Variants in STON2 observed in about 807,000 individuals in gnomAD.
STON2 encodes the protein stonin 2, also known as stonin-2.
A neutral mutation model predicts 65.7 loss-of-function variants in STON2; 29 were observed. That is an observed-to-expected ratio of 0.44 (90% CI 0.33 to 0.60). STON2 has a LOEUF of 0.60. Among genes scored for constraint, STON2 ranks in the 20% least tolerant of loss-of-function variants. The pLI is 0.03. For synonymous variants in STON2, 404 were observed against 414.2 expected (o/e 0.98, Z 0.30); for missense variants, 1,054 against 1,118.1 (o/e 0.94, Z 0.82).
chr14:81,429,930 G>A (rs1418294717), intron 1 of STON2, among the ~76,000 whole-genome samples: 4 of 148,722 alleles, frequency 2.7e-5, no homozygotes, highest in Admixed American at 2.7e-4. Context: ...GCAAGACTCT[G>A]TCTCAAAAAA....
intron 7 of STON2, chr14:81,269,308 C>G: frequency 1.0e-6 from 1 of 985,370 alleles, no homozygotes; most frequent in Non-Finnish European, 1.2e-6. Context: ...ACCCGGCCAC[C>G]TCCAGTACTT....
chr14:81,272,835 C>T (rs1018742527), intron 6 of STON2, among the ~76,000 whole-genome samples: 4 of 152,130 alleles, frequency 2.6e-5, no homozygotes, highest in Admixed American at 2.6e-4. Context: ...TCATTTCATT[C>T]TGAATGAACT....
At chr14:81,384,532 A>G (rs956366356) in intron 3 of STON2, among the ~76,000 whole-genome samples, 1 of 152,140 alleles carries the variant, frequency 6.6e-6, no homozygotes. Context: ...CATCGCGCCC[A>G]GCCCCTAACA....
chr14:81,398,461 G>A lies in STON2; in HGVS notation c.-79C>T. The A allele has an allele frequency of 2.7e-6, 3 of 1,121,602 alleles. No homozygotes were observed. In the South Asian group the frequency reaches 3.8e-5, roughly 14 times the overall value. 69.5% of individuals were successfully genotyped at this position (1,121,602 alleles called of 1,614,324 possible). ...TACTGTCTGGGGTGGGCTGGAGTAG[G>A]GGTATGGTAGTACGGTAGACTTGGG... On this transcript the variant is annotated 5_prime_UTR_variant, in exon 2 of 8. Transcript: ENST00000614646.
intron 3 of STON2, among the ~76,000 whole-genome samples, chr14:81,382,949 G>A (rs28777372): frequency 5.9e-5 from 9 of 152,198 alleles, no homozygotes; most frequent in East Asian, 1.9e-4. Context: ...AGAAATCTCC[G>A]ATAAGTTATT....
At chr14:81,404,405 A>C (rs1900749172), upstream of STON2, among the ~76,000 whole-genome samples, 1 of 152,244 alleles carries the variant, frequency 6.6e-6, no homozygotes, top group Non-Finnish European at 1.5e-5. Flanking sequence ...TATTAGCTTA[A>C]GTAAAACATA....
chr14:81,266,076 CA>C lies in STON2; in HGVS notation c.*2337del. The C allele has an allele frequency of 3.0e-6, 3 of 985,146 alleles. No individual in the cohort carries two copies. Among genetic ancestry groups the C allele is most frequent in the Non-Finnish European group, 3.6e-6 (3 of 829,776 alleles). The allele number at this position is 985,146 out of a possible 1,614,324, so 61.0% of individuals were successfully genotyped here. On this transcript the variant is annotated 3_prime_UTR_variant, in exon 8 of 8. Coordinates refer to ENST00000614646, the MANE Select transcript of STON2 (RefSeq NM_001394390.1). ...CTGTATTTCAAAGAGCATGAAAAAC[CA>C]CTTATGAAGAAAAAGACAAATGAAG... is the stretch of plus-strand genomic sequence containing the variant.
chr14:81,291,262 C>G (rs563821760), intron 5 of STON2, among the ~76,000 whole-genome samples: 1 of 152,008 alleles, frequency 6.6e-6, no homozygotes, highest in African/African-American at 2.4e-5. Context: ...GTATGAAGTA[C>G]AATTATGAAG....
chr14:81,263,309 C>CG lies in STON2; in HGVS notation c.*5104dup. The CG allele has an allele frequency of 4.1e-6, 1 of 241,606 alleles. No individual in the cohort carries two copies. The highest frequency in any genetic ancestry group is 6.7e-6 in the Non-Finnish European group (1 of 150,106). 15.0% of individuals were successfully genotyped at this position (241,606 alleles called of 1,614,324 possible). A position where few individuals can be genotyped will look rare whatever the true frequency, so the allele number is the denominator to read the frequency against. ...ATCCTAGCACTCTGGGAGGCTAAGG[C>CG]GGGTGGATCACCTGAGCTCAGAAGT... On this transcript the variant is annotated 3_prime_UTR_variant, in exon 8 of 8. Transcript: ENST00000614646.
At chr14:81,370,270 G>T (rs74713959) in intron 4 of STON2, among the ~76,000 whole-genome samples, 2 of 152,184 alleles carry the variant, frequency 1.3e-5, no homozygotes, top group East Asian at 3.9e-4. Context: ...ACTTTCAGAA[G>T]AAACCAATCT....
At chr14:81,387,171 T>G (rs1899851680) in intron 3 of STON2, among the ~76,000 whole-genome samples, 1 of 139,886 alleles carries the variant, frequency 7.1e-6, no homozygotes, top group African/African-American at 3.0e-5. Flanking sequence ...TTGTTTTTTT[T>G]TTTTAAAACA....
At chr14:81,423,236 T>C (rs1433076506) in intron 2 of STON2, among the ~76,000 whole-genome samples, 1 of 152,168 alleles carries the variant, frequency 6.6e-6, no homozygotes, top group Non-Finnish European at 1.5e-5. Flanking sequence ...CAACTCAGAC[T>C]TGAAGGCCTC....
rs1900438739 is a variant in STON2 at position 81,398,416 on chromosome 14, AC to A, written c.-35del. The A allele has an allele frequency of 6.4e-7, 1 of 1,556,346 alleles. No homozygotes were observed. The highest frequency in any genetic ancestry group is 8.9e-7 in the Non-Finnish European group (1 of 1,127,958). ...GGCACTGGTCATCTTCACACTGCTG[AC>A]CTCAGGTGAACCCCAGAATACTGTC... On this transcript the variant is annotated 5_prime_UTR_variant, in exon 2 of 8. Transcript: ENST00000614646.
At chr14:81,429,914 G>A (rs1902156957) in intron 1 of STON2, among the ~76,000 whole-genome samples, 1 of 150,492 alleles carries the variant, frequency 6.6e-6, no homozygotes, top group Non-Finnish European at 1.5e-5. Flanking sequence ...CGGCCTGGGT[G>A]ACACAGCAAG....
chr14:81,318,439 C>T (rs1334919362), intron 5 of STON2, among the ~76,000 whole-genome samples: 1 of 152,160 alleles, frequency 6.6e-6, no homozygotes, highest in African/African-American at 2.4e-5. Context: ...GGAAAAAATG[C>T]AACTCCCTCT....
chr14:81,277,688 G>GA lies in STON2; in HGVS notation c.1793dup (p.Ile599HisfsTer27), dbSNP rs1209516536. On this transcript the variant is annotated frameshift_variant, in exon 6 of 8. Coordinates refer to ENST00000614646, the MANE Select transcript of STON2 (RefSeq NM_001394390.1). LOFTEE classifies it high-confidence loss of function. The stretch of plus-strand genomic sequence containing the variant: ...TGAGACGGTCCTGAACTGCATGGAT[G>GA]AAACTCAGGAAGTCATCGTAATTGG... 3 of 1,614,188 alleles carry GA rather than the reference G, an allele frequency of 1.9e-6. No individual in the cohort carries two copies. The highest frequency in any genetic ancestry group is 2.5e-6 in the Non-Finnish European group (3 of 1,180,042).
intron 4 of STON2, among the ~76,000 whole-genome samples, chr14:81,339,690 A>G (rs77145683): frequency 1.3e-5 from 2 of 152,202 alleles, no homozygotes; most frequent in South Asian, 4.1e-4. Flanking sequence ...TTCAGACTGT[A>G]AGGCAAAGTA....
chr14:81,412,170 T>C (rs1901197555), intron 2 of STON2, among the ~76,000 whole-genome samples: 1 of 140,010 alleles, frequency 7.1e-6, no homozygotes, highest in South Asian at 2.4e-4. Flanking sequence ...CCAAGCACGA[T>C]GAGAAGTCAC....
At chr14:81,336,811 T>G (rs1446194762) in intron 4 of STON2, among the ~76,000 whole-genome samples, 1 of 151,818 alleles carries the variant, frequency 6.6e-6, no homozygotes, top group Non-Finnish European at 1.5e-5. Flanking sequence ...TTGGAGTGAG[T>G]GAATGAATTA....
Sources: gnomAD v4.1 joint callset for allele counts (sites outside exome capture counted in the v4.1 genomes callset) on GRCh38, gnomAD v4.1.1 for gene constraint, MANE v1.5 for transcripts, NCBI Gene and HGNC (gene_info 2026-07-23, HGNC 2026-07-21) for gene names.